The following CSMD3 variants were observed in gnomAD, a reference collection of about 807,000 sequenced individuals.
CSMD3 encodes the protein CUB and sushi domain-containing protein 3.
A neutral mutation model predicts 435.2 loss-of-function variants in CSMD3; 177 were observed. That is an observed-to-expected ratio of 0.41 (90% CI 0.36 to 0.46). The LOEUF (loss-of-function observed/expected upper bound fraction) is 0.46. Among genes scored for constraint, CSMD3 ranks in the 20% least tolerant of loss-of-function variants. The probability of loss-of-function intolerance (pLI) is 0.34; values close to 1 mark genes in which losing one functional copy is unlikely to be tolerated. For synonymous variants in CSMD3, 1,656 were observed against 1,520.5 expected, an observed-to-expected ratio of 1.09 and a Z score of -2.07; for missense variants, 4,265 against 4,504.6, an observed-to-expected ratio of 0.95 and a Z score of 1.52.
chr8:112,618,267 A>C (rs2131502308), intron 22 of CSMD3, among the ~76,000 whole-genome samples: 1 of 152,240 alleles, frequency 6.6e-6, no homozygotes, highest in East Asian at 1.9e-4. Context: ...CAATTCTTGA[A>C]GCTCTTAAGT....
intron 3 of CSMD3, among the ~76,000 whole-genome samples, chr8:113,205,567 T>C (rs139556590): frequency 1.3e-5 from 2 of 152,260 alleles, no homozygotes; most frequent in African/African-American, 4.8e-5. Context: ...AGCAATGAAA[T>C]AGCCTAATGG....
intron 45 of CSMD3, among the ~76,000 whole-genome samples, chr8:112,328,899 T>C (rs985844927): frequency 1.3e-5 from 2 of 152,178 alleles, no homozygotes; most frequent in Non-Finnish European, 2.9e-5. Context: ...TTCTTTCCTT[T>C]ATAAATTACC....
chr8:112,423,211 T>C (rs952866569), intron 32 of CSMD3, among the ~76,000 whole-genome samples: 2 of 152,136 alleles, frequency 1.3e-5, no homozygotes, highest in African/African-American at 4.8e-5. Flanking sequence ...ATATAATAAT[T>C]TATGCTAACC....
At chr8:112,400,763 C>G (rs1004939924) in intron 35 of CSMD3, among the ~76,000 whole-genome samples, 6 of 152,136 alleles carry the variant, frequency 3.9e-5, no homozygotes, top group African/African-American at 1.4e-4. Flanking sequence ...GATAGCATCA[C>G]CTTACTCTTT....
At chr8:112,857,444 T>G (rs2080693686) in intron 11 of CSMD3, among the ~76,000 whole-genome samples, 2 of 151,784 alleles carry the variant, frequency 1.3e-5, no homozygotes, top group Non-Finnish European at 3.0e-5. Context: ...GAACATGAGA[T>G]AATACCACAT....
intron 9 of CSMD3, among the ~76,000 whole-genome samples, chr8:112,941,782 A>C (rs886089059): frequency 6.6e-6 from 1 of 151,824 alleles, no homozygotes; most frequent in South Asian, 2.1e-4. Context: ...TTTAATTTTA[A>C]TAGAATTTAT....
At chr8:112,410,636 A>ATGTATATATATGTGTATATATATG (rs1832294956) in intron 32 of CSMD3, among the ~76,000 whole-genome samples, 2 of 99,964 alleles carry the variant, frequency 2.0e-5, no homozygotes, top group African/African-American at 6.8e-5. Flanking sequence ...GTGTATATAT[A>ATGTATATATATGTGTATATATATG]TGTATATATA....
intron 42 of CSMD3, among the ~76,000 whole-genome samples, chr8:112,338,291 T>C (rs1459149522): frequency 6.6e-6 from 1 of 152,210 alleles, no homozygotes; most frequent in African/African-American, 2.4e-5. Flanking sequence ...TATGGGATAA[T>C]TTGGGCAATG....
intron 10 of CSMD3, among the ~76,000 whole-genome samples, chr8:112,920,738 T>C (rs2082708346): frequency 1.3e-5 from 2 of 152,064 alleles, no homozygotes; most frequent in Admixed American, 1.3e-4. Flanking sequence ...ATGATTTTAA[T>C]ACATTTGAAC....
intron 40 of CSMD3, among the ~76,000 whole-genome samples, chr8:112,349,155 G>GA (rs1391984711): frequency 1.3e-5 from 2 of 151,810 alleles, no homozygotes; most frequent in African/African-American, 2.4e-5. Flanking sequence ...TACATAATGT[G>GA]AAAAAATAAA....
intron 10 of CSMD3, among the ~76,000 whole-genome samples, chr8:112,873,884 G>T (rs559050663): frequency 6.6e-6 from 1 of 151,668 alleles, no homozygotes; most frequent in Non-Finnish European, 1.5e-5. Context: ...GATTTTTTTT[G>T]AAGGGTTTTT....
In CSMD3 at chr8:113,435,013, C is replaced by T. The variant is rs567972963; in HGVS notation, c.178+1664G>A. ...GGCTGCTGCTGGCTATTCGCGCCTC[C>T]CCCACGCGAAGCGCGCGTCTAGCAG... On this transcript the variant is annotated intron_variant, in intron 1 of 70. Coordinates refer to ENST00000297405, the MANE Select transcript of CSMD3 (RefSeq NM_198123.2). Among the ~76,000 whole-genome samples the T allele has an allele frequency of 2.6e-5, 4 of 152,344 alleles. No individual in the cohort carries two copies. The South Asian group carries it at 8.3e-4, about 32-fold the overall frequency.
intron 63 of CSMD3, among the ~76,000 whole-genome samples, chr8:112,251,073 T>C (rs1815214193): frequency 6.6e-6 from 1 of 151,750 alleles, no homozygotes; most frequent in Non-Finnish European, 1.5e-5. Context: ...ACACTTGGCA[T>C]GCTAGAATTT....
intron 3 of CSMD3, among the ~76,000 whole-genome samples, chr8:113,206,202 T>C (rs1349025554): frequency 1.3e-5 from 2 of 152,078 alleles, no homozygotes; most frequent in Non-Finnish European, 2.9e-5. Flanking sequence ...TCCCCCTATA[T>C]TTTGATTTCT....
intron 17 of CSMD3, among the ~76,000 whole-genome samples, chr8:112,662,965 C>T (rs948923040): frequency 2.0e-5 from 3 of 151,990 alleles, no homozygotes; most frequent in Non-Finnish European, 4.4e-5. Flanking sequence ...CAAATCAAAA[C>T]CACAACGAGA....
At chr8:112,873,609 C>A (rs935016863) in intron 10 of CSMD3, among the ~76,000 whole-genome samples, 1 of 151,830 alleles carries the variant, frequency 6.6e-6, no homozygotes, top group South Asian at 2.1e-4. Context: ...TAATATCTAC[C>A]AAATGCTCAA....
intron 1 of CSMD3, among the ~76,000 whole-genome samples, chr8:113,398,806 T>A (rs546741579): frequency 6.6e-6 from 1 of 152,092 alleles, no homozygotes; most frequent in African/African-American, 2.4e-5. Flanking sequence ...TTCAGCTGGG[T>A]CAAATTTAGA....
In CSMD3 at chr8:112,478,026, G is replaced by A. The variant is rs76616062; in HGVS notation, c.5279-5319C>T. Among the ~76,000 whole-genome samples, 380 of 152,202 alleles carry A rather than the reference G, an allele frequency of 2.5e-3. 2 individuals are homozygous for A. Among genetic ancestry groups the A allele is most frequent in the East Asian group, 0.023 (116 of 5,150 alleles). On this transcript the variant is annotated intron_variant, in intron 31 of 70. Transcript: ENST00000297405. ...GGATCTGATGATTTTAAAAAGAGGCGTTCCCCTGCACTAGCTCTCTCTCTC... is the reference window on the plus strand; with the variant it reads ...GGATCTGATGATTTTAAAAAGAGGCATTCCCCTGCACTAGCTCTCTCTCTC...
At chr8:112,680,129 C>T (rs1034040169) in intron 16 of CSMD3, among the ~76,000 whole-genome samples, 12 of 152,130 alleles carry the variant, frequency 7.9e-5, no homozygotes, top group African/African-American at 2.9e-4. Context: ...CCGAGGCAGG[C>T]GGATGACCTG....
Sources: allele counts gnomAD v4.1 joint callset (sites outside exome capture counted in the v4.1 genomes callset), GRCh38; gene constraint gnomAD v4.1.1; transcripts MANE v1.5; gene names NCBI Gene and HGNC (gene_info 2026-07-23, HGNC 2026-07-21).